Variants in GABRB3 observed in about 807,000 individuals in gnomAD.
The protein encoded by GABRB3 is gamma-aminobutyric acid receptor subunit beta-3.
A neutral mutation model predicts 52.1 loss-of-function variants in GABRB3; 14 were observed. That is an observed-to-expected ratio of 0.27 (90% CI 0.18 to 0.42). The LOEUF (loss-of-function observed/expected upper bound fraction) is 0.42. Ranked by LOEUF, GABRB3 falls within the 10% of genes least tolerant of loss-of-function variation. GABRB3 has a pLI of 1.00. For synonymous variants in GABRB3, 260 were observed against 232.3 expected (o/e 1.12, Z -1.08); for missense variants, 307 against 609.1 (o/e 0.50, Z 5.22).
intron 3 of GABRB3, among the ~76,000 whole-genome samples, chr15:26,649,956 T>C (rs1239827210): frequency 6.6e-6 from 1 of 152,154 alleles, no homozygotes; most frequent in Admixed American, 6.6e-5. Context: ...TTAGAGATAA[T>C]TGGGCACAAA....
intron 8 of GABRB3, among the ~76,000 whole-genome samples, chr15:26,551,003 GCA>G (rs1889442524): frequency 6.6e-6 from 1 of 152,168 alleles, no homozygotes; most frequent in Admixed American, 6.6e-5. Context: ...GGCTTGAAGA[GCA>G]CCTGAAATAT....
At chr15:26,581,049 A>G (rs1692874448) in intron 5 of GABRB3, 1 of 209,728 alleles carries the variant, frequency 4.8e-6, no homozygotes, top group Non-Finnish European at 9.7e-6. Context: ...AGAGATGGGC[A>G]CAGGTGGTCT....
intron 3 of GABRB3, among the ~76,000 whole-genome samples, chr15:26,692,651 G>A (rs1336614707): frequency 6.6e-6 from 1 of 152,136 alleles, no homozygotes; most frequent in Non-Finnish European, 1.5e-5. Context: ...ACTATTTGGA[G>A]GTAGCTGATA....
At chr15:26,732,016 T>C (rs1889928575) in intron 3 of GABRB3, among the ~76,000 whole-genome samples, 1 of 152,056 alleles carries the variant, frequency 6.6e-6, no homozygotes, top group African/African-American at 2.4e-5. Context: ...GATGGACAGA[T>C]GGTTGGATGG....
chr15:26,686,809 G>A (rs1252022427), intron 3 of GABRB3, among the ~76,000 whole-genome samples: 1 of 152,240 alleles, frequency 6.6e-6, no homozygotes, highest in Non-Finnish European at 1.5e-5. Flanking sequence ...GCTGTGAATG[G>A]CCAACTTGCA....
intron 3 of GABRB3, among the ~76,000 whole-genome samples, chr15:26,655,273 T>G (rs1193323254): frequency 2.6e-5 from 4 of 152,208 alleles, no homozygotes; most frequent in Admixed American, 6.5e-5. Flanking sequence ...ATCACTTTAT[T>G]ATGTGAAAAT....
chr15:26,630,269 A>G (rs2140557734), intron 3 of GABRB3, among the ~76,000 whole-genome samples: 1 of 152,282 alleles, frequency 6.6e-6, no homozygotes, highest in East Asian at 1.9e-4. Flanking sequence ...CAGAAGGGAA[A>G]GCTGCCAGCA....
At chr15:26,658,181 A>G (rs1370584530) in intron 3 of GABRB3, among the ~76,000 whole-genome samples, 1 of 152,150 alleles carries the variant, frequency 6.6e-6, no homozygotes, top group African/African-American at 2.4e-5. Context: ...GAAAAACAAG[A>G]AGACAGTTTT....
intron 3 of GABRB3, among the ~76,000 whole-genome samples, chr15:26,672,977 T>C (rs1887945437): frequency 6.9e-6 from 1 of 145,350 alleles, no homozygotes; most frequent in South Asian, 2.1e-4. Context: ...ATGTCATACT[T>C]ACTTATCAAA....
chr15:26,632,837 A>G (rs1892947715), intron 3 of GABRB3, among the ~76,000 whole-genome samples: 1 of 152,236 alleles, frequency 6.6e-6, no homozygotes, highest in South Asian at 2.1e-4. Context: ...GTAGCCATTA[A>G]TTGATCTAAC....
At chr15:26,612,241 G>A (rs1892097283) in intron 4 of GABRB3, 1 of 152,020 alleles carries the variant, frequency 6.6e-6, no homozygotes, top group Non-Finnish European at 1.5e-5. Context: ...GTTCTGGAAG[G>A]TGGAAATACA....
chr15:26,737,617 A>G (rs1890097464), intron 3 of GABRB3, among the ~76,000 whole-genome samples: 1 of 149,310 alleles, frequency 6.7e-6, no homozygotes, highest in Non-Finnish European at 1.5e-5. Context: ...ATTTACTACA[A>G]TGTGTGTGTG....
In GABRB3 at chr15:26,545,701, A is replaced by C. The variant is rs1445733320; in HGVS notation, c.*2092T>G. 1 of 152,532 alleles carries C rather than the reference A, an allele frequency of 6.6e-6. No homozygotes were observed. Among genetic ancestry groups the C allele is most frequent in the African/African-American group, 2.4e-5 (1 of 41,442 alleles). 9.4% of individuals were successfully genotyped at this position (152,532 alleles called of 1,614,324 possible). A position where few individuals can be genotyped will look rare whatever the true frequency, so the allele number is the denominator to read the frequency against. On this transcript the variant is annotated 3_prime_UTR_variant, in exon 9 of 9. Coordinates refer to ENST00000311550, the MANE Select transcript of GABRB3 (RefSeq NM_000814.6). ...ATAATAATGATAAGGCCACTTAACA[A>C]GGTTTTTCCCAATCTGTTTAACTTT...
chr15:26,619,168 A>C (rs372156148), intron 4 of GABRB3, among the ~76,000 whole-genome samples: 3 of 151,828 alleles, frequency 2.0e-5, no homozygotes, highest in African/African-American at 4.8e-5. Context: ...CCATTACTGG[A>C]TATATACCCA....
chr15:26,697,640 G>A (rs1888784123), intron 3 of GABRB3, among the ~76,000 whole-genome samples: 2 of 152,092 alleles, frequency 1.3e-5, no homozygotes, highest in South Asian at 2.1e-4. Flanking sequence ...CTCATCCCAC[G>A]GCTTCAGAGA....
intron 3 of GABRB3, among the ~76,000 whole-genome samples, chr15:26,673,126 A>G (rs1202253782): frequency 6.6e-6 from 1 of 152,202 alleles, no homozygotes; most frequent in East Asian, 1.9e-4. Flanking sequence ...CCGGGCACAG[A>G]AAGTGGGCAT....
chr15:26,749,960 T>A (rs924657347), intron 3 of GABRB3: 1 of 152,218 alleles, frequency 6.6e-6, no homozygotes, highest in Admixed American at 6.5e-5. Flanking sequence ...TTTGTTGTGT[T>A]ATGGCCAGAG....
At chr15:26,729,552 A>T (rs1215298821) in intron 3 of GABRB3, among the ~76,000 whole-genome samples, 1 of 152,164 alleles carries the variant, frequency 6.6e-6, no homozygotes, top group Non-Finnish European at 1.5e-5. Flanking sequence ...CTTTAAGTTA[A>T]TCTGGGTATT....
At chr15:26,668,001 T>C (rs535600369) in intron 3 of GABRB3, among the ~76,000 whole-genome samples, 1 of 152,210 alleles carries the variant, frequency 6.6e-6, no homozygotes, top group South Asian at 2.1e-4. Context: ...ATTCCAGAAA[T>C]AGGAAACAAG....
Sources: allele counts gnomAD v4.1 joint callset (sites outside exome capture counted in the v4.1 genomes callset), GRCh38; gene constraint gnomAD v4.1.1; transcripts MANE v1.5; gene names NCBI Gene and HGNC (gene_info 2026-07-23, HGNC 2026-07-21).